TUBB6: variants seen among roughly 807,000 people sequenced by gnomAD.
TUBB6 encodes tubulin beta 6 class V.
In TUBB6, 18 loss-of-function variants were observed where a neutral mutation model predicts 32.3. The observed-to-expected ratio is 0.56, with a 90% CI of 0.39 to 0.83. TUBB6 has a LOEUF of 0.83. Ranked by LOEUF, TUBB6 falls within the 40% of genes least tolerant of loss-of-function variation. The pLI is 0.00. For synonymous variants in TUBB6, 280 were observed against 265.8 expected (o/e 1.05, Z -0.52); for missense variants, 480 against 632.0 (o/e 0.76, Z 2.58).
chr18:12,313,452 G>A (rs1906502950), intron 3 of TUBB6, among the ~76,000 whole-genome samples: 1 of 152,164 alleles, frequency 6.6e-6, no homozygotes, highest in Non-Finnish European at 1.5e-5. Context: ...TGATTTGCCT[G>A]GAACTGGGAG....
At chr18:12,324,103 C>T (rs922037818) in intron 3 of TUBB6, among the ~76,000 whole-genome samples, 2 of 152,190 alleles carry the variant, frequency 1.3e-5, no homozygotes, top group African/African-American at 4.8e-5. Flanking sequence ...GGCGCCGTGG[C>T]TCACGCCTGT....
At chr18:12,328,632 G>A (rs549595460), downstream of TUBB6, among the ~76,000 whole-genome samples, 11 of 152,358 alleles carry the variant, frequency 7.2e-5, no homozygotes, top group Admixed American at 3.9e-4. Flanking sequence ...GCCCGCTACA[G>A]TTATACGTTA....
chr18:12,309,744 G>A (rs112948143), intron 2 of TUBB6, among the ~76,000 whole-genome samples: 4 of 152,286 alleles, frequency 2.6e-5, no homozygotes, highest in African/African-American at 9.6e-5. Flanking sequence ...GAGTTGAAGA[G>A]CAGGTCCTAT....
At chr18:12,308,169 A>T (rs971826129), upstream of TUBB6, 1 of 518,168 alleles carries the variant, frequency 1.9e-6, no homozygotes, top group Non-Finnish European at 2.5e-6. Context: ...CGGGGCCCGC[A>T]GCCATTGGCG....
At position 12,308,286 on chromosome 18, in the gene TUBB6, GC is replaced by G; in HGVS notation, c.-4del. ...GAGCCAGTTCCTAGCGCAGAGCCGC[GC>G]CCGCCATGAGGGAGATCGTGCACAT... On this transcript the variant is annotated 5_prime_UTR_variant, in exon 1 of 4. Coordinates refer to ENST00000317702, the MANE Select transcript of TUBB6 (RefSeq NM_032525.3). 6.9e-7 allele frequency: 1 copy of G among 1,444,752 alleles called. No homozygotes were observed. Among genetic ancestry groups the G allele is most frequent in the South Asian group, 1.4e-5 (1 of 74,028 alleles). The allele number at this position is 1,444,752 out of a possible 1,614,324, so 89.5% of individuals were successfully genotyped here. A position where few individuals can be genotyped will look rare whatever the true frequency, so the allele number is the denominator to read the frequency against.
In TUBB6 at chr18:12,325,636, G is replaced by A. The variant is rs1373557996; in HGVS notation, c.847G>A (p.Ala283Thr). 1 of 1,613,890 alleles carries A rather than the reference G, an allele frequency of 6.2e-7. No homozygotes were observed. Among genetic ancestry groups the A allele is most frequent in the Admixed American group, 1.7e-5 (1 of 60,006 alleles). ...CAGCCGCGGCAGCCAGCAGTACCGG[G>A]CCCTGACCGTGCCCGAGCTCACCCA... is the stretch of plus-strand genomic sequence containing the variant. ...LTSRGSQQYRALTVPELTQQM... is the reference protein window; with the variant it reads ...LTSRGSQQYRTLTVPELTQQM... The change falls in exon 4 of 4, where the codon GCC becomes ACC. Residue 283 changes from alanine (A) to threonine (T), a missense_variant. Physicochemically the swap from Ala to Thr is moderately conservative, Grantham distance 58. Transcript: ENST00000317702.
At chr18:12,311,268 T>G in intron 3 of TUBB6, 1 of 409,684 alleles carries the variant, frequency 2.4e-6, no homozygotes, top group Non-Finnish European at 4.4e-6. Context: ...TCTATATCTC[T>G]AAATGAAATT....
intron 3 of TUBB6, among the ~76,000 whole-genome samples, chr18:12,318,452 C>T (rs959167383): frequency 2.7e-5 from 4 of 149,460 alleles, no homozygotes; most frequent in Admixed American, 1.4e-4. Context: ...CACAAGGAAA[C>T]GGCCACCTGA....
chr18:12,320,506 T>A (rs1174484864), intron 3 of TUBB6: 1 of 152,166 alleles, frequency 6.6e-6, no homozygotes, highest in East Asian at 1.9e-4. Context: ...TACCCCGAAC[T>A]AGTGTTAAGA....
chr18:12,328,797 A>C (rs1907417268), downstream of TUBB6: 1 of 250,196 alleles, frequency 4.0e-6, no homozygotes, highest in African/African-American at 2.3e-5. Context: ...AGGACACATA[A>C]CTCTAGAAGG....
At chr18:12,329,597 C>G, downstream of TUBB6, 9 of 1,614,178 alleles carry the variant, frequency 5.6e-6, no homozygotes, top group Non-Finnish European at 7.6e-6. Flanking sequence ...GGGGGCTCCT[C>G]TTTCTCCTTT....
chr18:12,324,921 C>T, intron 3 of TUBB6, 146 bp from the exon 4 acceptor site: 2 of 1,486,098 alleles, frequency 1.3e-6, no homozygotes, highest in Non-Finnish European at 1.8e-6. Flanking sequence ...CTCAGCTGCA[C>T]CGTTGGTGGG....
chr18:12,312,414 T>C (rs992544413), intron 3 of TUBB6, among the ~76,000 whole-genome samples: 2 of 152,182 alleles, frequency 1.3e-5, no homozygotes, highest in Non-Finnish European at 1.5e-5. Flanking sequence ...GGTTTAAATT[T>C]TGGCCCTTCC....
intron 3 of TUBB6, among the ~76,000 whole-genome samples, chr18:12,314,207 G>A (rs534087372): frequency 1.3e-4 from 20 of 151,914 alleles, no homozygotes; most frequent in Non-Finnish European, 2.1e-4. Flanking sequence ...TTCTCTGGGG[G>A]TCTTCATTTT....
chr18:12,310,868 G>A, intron 2 of TUBB6, 75 bp from the exon 3 acceptor site: 1 of 990,918 alleles, frequency 1.0e-6, no homozygotes, highest in Non-Finnish European at 1.5e-6. Flanking sequence ...TAGAACTGGT[G>A]GGACTTGAAA....
At chr18:12,321,676 C>G (rs1906996824) in intron 3 of TUBB6, among the ~76,000 whole-genome samples, 1 of 152,128 alleles carries the variant, frequency 6.6e-6, no homozygotes, top group African/African-American at 2.4e-5. Context: ...AGACAAAAGT[C>G]AAGTTGGAGT....
chr18:12,319,583 G>A (rs11660222), intron 3 of TUBB6, among the ~76,000 whole-genome samples: 120,068 of 152,072 alleles, frequency 0.79, 48,646 homozygotes, highest in Non-Finnish European at 0.88. Context: ...GACATCCTCC[G>A]TGACAGTCAC....
Position 12,325,176 on chromosome 18 carries a change from C to T in TUBB6, c.387C>T (p.Cys129=). ...VVRKECEHCD[C]LQGFQLTHSL... ...GGAAGGAGTGCGAGCACTGCGACTG[C>T]CTGCAGGGCTTCCAGCTCACGCACT... The change falls in exon 4 of 4, where the codon TGC becomes TGT. Residue 129 remains cysteine, a synonymous_variant. Transcript: ENST00000317702. The T allele has an allele frequency of 6.2e-7, 1 of 1,613,974 alleles. No homozygotes were observed.
intron 3 of TUBB6, among the ~76,000 whole-genome samples, chr18:12,319,241 T>C (rs1185267198): frequency 6.6e-6 from 1 of 151,828 alleles, no homozygotes; most frequent in East Asian, 1.9e-4. Context: ...CCTCCTGGGT[T>C]CAAGCAATTC....
Sources: allele counts gnomAD v4.1 joint callset (sites outside exome capture counted in the v4.1 genomes callset), GRCh38; gene constraint gnomAD v4.1.1; transcripts MANE v1.5; gene names NCBI Gene and HGNC (gene_info 2026-07-23, HGNC 2026-07-21).